Variants in KIAA2012 observed in about 807,000 individuals in gnomAD.
KIAA2012 encodes uncharacterized protein KIAA2012.
A neutral mutation model predicts 150.6 loss-of-function variants in KIAA2012; 125 were observed. That is an observed-to-expected ratio of 0.83 (90% CI 0.72 to 0.96). The LOEUF is 0.96. KIAA2012 is among the 40% of genes least tolerant of loss of function. The pLI, the probability that KIAA2012 is intolerant of heterozygous loss-of-function variation, is 0.00. For missense variants in KIAA2012, 1,219 were observed against 1,354.9 expected (o/e 0.90, Z 1.57); for synonymous variants, 462 against 504.7 (o/e 0.92, Z 1.13).
At chr2:202,201,248 G>A in intron 22 of KIAA2012, 2 of 1,512,284 alleles carry the variant, frequency 1.3e-6, no homozygotes, top group Middle Eastern at 2.2e-4. Flanking sequence ...CTGAAAGTTG[G>A]GGCACCAGAA....
At chr2:202,156,624 G>A (rs1430902966) in intron 14 of KIAA2012, among the ~76,000 whole-genome samples, 2 of 152,002 alleles carry the variant, frequency 1.3e-5, no homozygotes, top group Non-Finnish European at 2.9e-5. Flanking sequence ...AGTGACTCAC[G>A]CCTGTAATCC....
In KIAA2012 at chr2:202,196,936, G is replaced by A; in HGVS notation, c.3324G>A (p.Glu1108=). Residue 1108 remains glutamate, a synonymous_variant, in exon 22 of 24, where the codon GAG becomes GAA. Transcript: ENST00000498697. ...KQEAEEKARL[E]AEERRQKEEE... Reference sequence around the variant, plus strand: ...AAGCAGAAGAGAAGGCTCGGCTGGAGGCAGAGGAGAGGAGGCAAAAAGAAG... The same window carrying A: ...AAGCAGAAGAGAAGGCTCGGCTGGAAGCAGAGGAGAGGAGGCAAAAAGAAG... 6.4e-7 allele frequency: 1 copy of A among 1,550,666 alleles called. No homozygotes were observed. The highest frequency in any genetic ancestry group is 8.7e-7 in the Non-Finnish European group (1 of 1,147,002).
chr2:202,131,119 A>G (rs966293611), intron 12 of KIAA2012, among the ~76,000 whole-genome samples: 2 of 152,140 alleles, frequency 1.3e-5, no homozygotes, highest in African/African-American at 4.8e-5. Context: ...TGTTCAACAG[A>G]AAGAATCTGT....
At chr2:202,198,139 A>C (rs1336361154) in intron 22 of KIAA2012, among the ~76,000 whole-genome samples, 1 of 139,258 alleles carries the variant, frequency 7.2e-6, no homozygotes, top group Non-Finnish European at 1.5e-5. Context: ...GTGCCATTGC[A>C]TTCCAGCCTG....
At chr2:202,188,358 C>A in intron 18 of KIAA2012, 92 bp downstream of exon 18, 1 of 996,864 alleles carries the variant, frequency 1.0e-6, no homozygotes, top group Non-Finnish European at 1.5e-6. Flanking sequence ...TCCTACCGGA[C>A]AAACTCTCTG....
At chr2:202,141,547 T>C (rs1202336519) in intron 13 of KIAA2012, among the ~76,000 whole-genome samples, 1 of 152,202 alleles carries the variant, frequency 6.6e-6, no homozygotes, top group African/African-American at 2.4e-5. Flanking sequence ...TATGAAGGCA[T>C]TTTTTGCATA....
At chr2:202,119,569 G>A (rs1192861740) in intron 11 of KIAA2012, among the ~76,000 whole-genome samples, 1 of 152,156 alleles carries the variant, frequency 6.6e-6, no homozygotes, top group African/African-American at 2.4e-5. Context: ...GATAAAAGCA[G>A]AACTATCTGG....
intron 13 of KIAA2012, among the ~76,000 whole-genome samples, chr2:202,147,149 A>T (rs772477019): frequency 4.6e-5 from 7 of 152,150 alleles, no homozygotes. Context: ...TCAATCTACC[A>T]ATTGTTCCTC....
At chr2:202,089,683 G>T (rs927483588) in intron 2 of KIAA2012, among the ~76,000 whole-genome samples, 3 of 152,196 alleles carry the variant, frequency 2.0e-5, no homozygotes, top group Non-Finnish European at 4.4e-5. Flanking sequence ...AATATATGCT[G>T]TATGTTTCCA....
Position 202,144,585 on chromosome 2 carries a change from T to G in KIAA2012, c.1908+6077T>G, listed in dbSNP as rs57412404. On this transcript the variant is annotated intron_variant, in intron 13 of 23. Coordinates refer to ENST00000498697, the MANE Select transcript of KIAA2012 (RefSeq NM_001277372.4). The stretch of plus-strand genomic sequence containing the variant: ...TTTGTACAAGGGTACAATCGTAACC[T>G]TTTATTTCAGTGTCCTTTTAAGCCG... 1.0e-3 allele frequency among the ~76,000 whole-genome samples: 156 copies of G among 152,304 alleles called. 1 individual carries two copies. The highest frequency in any genetic ancestry group is 3.0e-3 in the African/African-American group (126 of 41,574).
chr2:202,199,723 T>A (rs1318209995), intron 22 of KIAA2012, among the ~76,000 whole-genome samples: 3 of 152,158 alleles, frequency 2.0e-5, no homozygotes, highest in Non-Finnish European at 4.4e-5. Flanking sequence ...TTCACTGGAT[T>A]CAAGTCGTTT....
chr2:202,074,626 T>C lies in KIAA2012; in HGVS notation c.85-265T>C, dbSNP rs996068271. 1.7e-4 allele frequency among the ~76,000 whole-genome samples: 26 copies of C among 152,190 alleles called. 1 individual carries two copies. The highest frequency in any genetic ancestry group is 1.3e-3 in the Admixed American group (20 of 15,280). ...AACTTTAACTGGCCTGTAACCTACA[T>C]ACAAGCTGAGTTAATCCTCCAGCCA... On this transcript the variant is annotated intron_variant, in intron 1 of 23. Coordinates refer to ENST00000498697, the MANE Select transcript of KIAA2012 (RefSeq NM_001277372.4).
intron 14 of KIAA2012, among the ~76,000 whole-genome samples, chr2:202,160,403 TC>T (rs1220955443): frequency 7.1e-6 from 1 of 139,930 alleles, no homozygotes; most frequent in East Asian, 2.2e-4. Flanking sequence ...AAGCTCCACC[TC>T]CCGGGTTCAC....
rs534043414 is a variant in KIAA2012, at chr2:202,109,840, C to G, written c.1651+51C>G. ...GCCCCCCACTGGCTTGAATGTGGCT[C>G]ATTGCCAGGGCCGCATGGCTGCTAT... is the stretch of plus-strand genomic sequence containing the variant. On this transcript the variant is annotated intron_variant, in intron 10 of 23. Coordinates refer to ENST00000498697, the MANE Select transcript of KIAA2012 (RefSeq NM_001277372.4). The G allele has an allele frequency of 2.8e-5, 41 of 1,455,980 alleles. 1 individual carries two copies. In the Middle Eastern group the frequency reaches 2.1e-3, roughly 75 times the overall value. The allele number at this position is 1,455,980 out of a possible 1,614,324, so 90.2% of individuals were successfully genotyped here. A position where few individuals can be genotyped will look rare whatever the true frequency, so the allele number is the denominator to read the frequency against.
intron 13 of KIAA2012, 141 bp downstream of exon 13, chr2:202,138,649 C>G: frequency 1.3e-5 from 8 of 597,660 alleles, no homozygotes; most frequent in African/African-American, 1.9e-5. Flanking sequence ...GACAAGTAGA[C>G]TATGAAATCA....
At chr2:202,113,475 GT>G (rs373306982) in intron 11 of KIAA2012, 29 bp downstream of exon 11, 19,082 of 1,101,848 alleles carry the variant, frequency 0.017, no homozygotes, top group South Asian at 0.02. Flanking sequence ...GGGCAGCCTT[GT>G]TTTTTTTTTT....
chr2:202,129,893 G>A (rs1690891767), intron 12 of KIAA2012, among the ~76,000 whole-genome samples: 2 of 152,124 alleles, frequency 1.3e-5, no homozygotes. Context: ...CATTGATATT[G>A]CAAGGCTGGG....
intron 4 of KIAA2012, among the ~76,000 whole-genome samples, chr2:202,095,347 G>A (rs1689841898): frequency 6.6e-6 from 1 of 152,218 alleles, no homozygotes; most frequent in African/African-American, 2.4e-5. Flanking sequence ...AGTCCCAGCT[G>A]CAAATCCCAG....
Position 202,073,427 on chromosome 2 carries a change from CAA to C in KIAA2012, c.-199_-198del. ...CTGTGCGGTTTATTTTTTCTCTCCA[CAA>C]AGACACACACTGTCTAAACTGTGTG... is the stretch of plus-strand genomic sequence containing the variant. On this transcript the variant is annotated 5_prime_UTR_variant, in exon 1 of 24. Coordinates refer to ENST00000498697, the MANE Select transcript of KIAA2012 (RefSeq NM_001277372.4). The C allele has an allele frequency of 9.8e-6, 5 of 511,932 alleles. No homozygotes were observed. The South Asian group carries it at 1.7e-4, about 17-fold the overall frequency. The allele number at this position is 511,932 out of a possible 1,614,324, so 31.7% of individuals were successfully genotyped here.
Sources: gnomAD v4.1 joint callset for allele counts (sites outside exome capture counted in the v4.1 genomes callset) on GRCh38, gnomAD v4.1.1 for gene constraint, MANE v1.5 for transcripts, NCBI Gene and HGNC (gene_info 2026-07-23, HGNC 2026-07-21) for gene names.